Variants in ANKHD1 observed in about 807,000 individuals in gnomAD.
ANKHD1 encodes ankyrin repeat and KH domain-containing protein 1.
Under a neutral mutation model 230.5 loss-of-function variants are expected in ANKHD1, and 31 were observed. That is an observed-to-expected ratio of 0.13 (90% confidence interval 0.10 to 0.18). The LOEUF (loss-of-function observed/expected upper bound fraction) is 0.18. Among genes scored for constraint, ANKHD1 ranks in the 10% least tolerant of loss-of-function variants. The pLI is 1.00. For missense variants in ANKHD1, 2,256 were observed against 3,071.3 expected (o/e 0.73, Z 6.27); for synonymous variants, 1,074 against 1,117.6 (o/e 0.96, Z 0.78).
intron 1 of ANKHD1, among the ~76,000 whole-genome samples, chr5:140,412,115 C>T (rs1465033272): frequency 6.6e-6 from 1 of 152,142 alleles, no homozygotes; most frequent in Non-Finnish European, 1.5e-5. Context: ...CAGCTCACTG[C>T]AACCTCCGCC....
At chr5:140,494,165 A>G (rs1751929053) in intron 14 of ANKHD1, among the ~76,000 whole-genome samples, 1 of 152,200 alleles carries the variant, frequency 6.6e-6, no homozygotes, top group Admixed American at 6.5e-5. Flanking sequence ...GGATTTGTAC[A>G]TTGCTATTTG....
At chr5:140,496,191 T>C (rs1373115115) in intron 14 of ANKHD1, among the ~76,000 whole-genome samples, 1 of 152,158 alleles carries the variant, frequency 6.6e-6, no homozygotes, top group African/African-American at 2.4e-5. Flanking sequence ...CAGCAGAATT[T>C]TGAGATTCTT....
chr5:140,511,117 C>G (rs1020547716), intron 22 of ANKHD1, among the ~76,000 whole-genome samples: 1 of 152,254 alleles, frequency 6.6e-6, no homozygotes, highest in South Asian at 2.1e-4. Flanking sequence ...AGCCATGCCT[C>G]TCATATATAT....
At chr5:140,467,642 A>G (rs1046546215) in intron 10 of ANKHD1, among the ~76,000 whole-genome samples, 1 of 152,214 alleles carries the variant, frequency 6.6e-6, no homozygotes, top group Non-Finnish European at 1.5e-5. Flanking sequence ...GGGAAAGTAT[A>G]ATAACTTTTA....
intron 1 of ANKHD1, among the ~76,000 whole-genome samples, chr5:140,421,403 C>T (rs559861645): frequency 6.8e-4 from 102 of 149,260 alleles, no homozygotes; most frequent in Middle Eastern, 3.5e-3. Flanking sequence ...TGGGTTCAAG[C>T]GATTATCCTG....
At chr5:140,521,694 T>G (rs1456499319) in intron 24 of ANKHD1, among the ~76,000 whole-genome samples, 4 of 151,788 alleles carry the variant, frequency 2.6e-5, no homozygotes, top group Admixed American at 6.6e-5. Context: ...GTTACATAAT[T>G]CACAGTTGGG....
intron 9 of ANKHD1, among the ~76,000 whole-genome samples, chr5:140,461,422 G>A (rs1450544697): frequency 6.6e-6 from 1 of 151,846 alleles, no homozygotes; most frequent in Non-Finnish European, 1.5e-5. Flanking sequence ...CAGTTTTAAG[G>A]GTAATTTATT....
intron 10 of ANKHD1, 151 bp downstream of exon 10, chr5:140,464,927 T>A (rs1326511420): frequency 4.3e-6 from 3 of 696,816 alleles, no homozygotes; most frequent in African/African-American, 3.6e-5. Flanking sequence ...TTGTATGTAT[T>A]AAATGTATTT....
chr5:140,457,929 T>G (rs560880933), intron 7 of ANKHD1, among the ~76,000 whole-genome samples: 1 of 152,278 alleles, frequency 6.6e-6, no homozygotes, highest in South Asian at 2.1e-4. Flanking sequence ...TAGGTAGAAT[T>G]GATACCCACC....
chr5:140,470,475 A>G (rs1011717629), intron 10 of ANKHD1, among the ~76,000 whole-genome samples: 8 of 151,238 alleles, frequency 5.3e-5, no homozygotes, highest in African/African-American at 1.7e-4. Context: ...TACCATTCAT[A>G]TGTATGGTCT....
In ANKHD1 at chr5:140,462,979, G is replaced by A. The variant is rs529111746; in HGVS notation, c.1673-1688G>A. On this transcript the variant is annotated intron_variant, in intron 9 of 33. Transcript: ENST00000360839. ...TCTTGCCTCAGCCTTCCAAGTAGCTGGGACTACAGGCATACACCACTATGC... is the reference window on the plus strand; with the variant it reads ...TCTTGCCTCAGCCTTCCAAGTAGCTAGGACTACAGGCATACACCACTATGC... Among the ~76,000 whole-genome samples the A allele has an allele frequency of 2.0e-5, 3 of 151,974 alleles. No individual in the cohort carries two copies. The South Asian group carries it at 6.2e-4, about 32-fold the overall frequency.
intron 2 of ANKHD1, among the ~76,000 whole-genome samples, chr5:140,436,923 G>A (rs1773492017): frequency 1.3e-5 from 2 of 152,074 alleles, no homozygotes; most frequent in Non-Finnish European, 2.9e-5. Flanking sequence ...TGTTTAACTT[G>A]ATTTTAAATA....
chr5:140,491,156 ATATATT>A (rs1400586066), intron 14 of ANKHD1, among the ~76,000 whole-genome samples: 4 of 94,956 alleles, frequency 4.2e-5, no homozygotes, highest in Non-Finnish European at 6.1e-5. Context: ...ATATATATAT[ATATATT>A]TTTTTTTTTT....
At position 140,529,220 on chromosome 5, in the gene ANKHD1, A is replaced by G. The variant is rs756980117; in HGVS notation, c.6274A>G (p.Met2092Val). The G allele has an allele frequency of 1.1e-4, 173 of 1,614,086 alleles. No individual in the cohort carries two copies. The highest frequency in any genetic ancestry group is 1.4e-4 in the Non-Finnish European group (170 of 1,180,060). Residue 2092 changes from methionine to valine, a missense_variant, in exon 29 of 34, where the codon ATG (methionine) becomes GTG (valine). Around this residue, in one of 13 missense-constraint regions of ANKHD1, gnomAD observed 778 missense variants for 966.5 expected, o/e 0.80. Transcript: ENST00000360839. ...QPSSVSDLSP[M>V]SMPFASNSEP... The stretch of plus-strand genomic sequence containing the variant: ...ATCCAGTGTGTCTGATTTAAGTCCT[A>G]TGTCAATGCCTTTTGCATCTAACTC...
intron 1 of ANKHD1, among the ~76,000 whole-genome samples, chr5:140,425,247 A>T (rs1339374451): frequency 1.3e-5 from 2 of 152,078 alleles, no homozygotes; most frequent in African/African-American, 4.8e-5. Flanking sequence ...AACCCAAGAT[A>T]TGATTTCTGT....
intron 1 of ANKHD1, among the ~76,000 whole-genome samples, chr5:140,408,845 A>C (rs1312708986): frequency 6.6e-6 from 1 of 152,098 alleles, no homozygotes; most frequent in Non-Finnish European, 1.5e-5. Flanking sequence ...CAGCCTCCCA[A>C]GTAGTCAGGA....
At chr5:140,476,114 G>C (rs957707966) in intron 10 of ANKHD1, among the ~76,000 whole-genome samples, 1 of 151,920 alleles carries the variant, frequency 6.6e-6, no homozygotes. Flanking sequence ...TATAGGGTAA[G>C]ACAGCATATT....
intron 1 of ANKHD1, among the ~76,000 whole-genome samples, chr5:140,427,494 G>A (rs1472513436): frequency 6.0e-4 from 81 of 134,420 alleles, no homozygotes; most frequent in Non-Finnish European, 6.7e-4. Flanking sequence ...CAGTAGGGGC[G>A]GCCGGGCAGA....
chr5:140,409,030 C>T (rs924284398), intron 1 of ANKHD1, among the ~76,000 whole-genome samples: 1 of 152,118 alleles, frequency 6.6e-6, no homozygotes, highest in African/African-American at 2.4e-5. Context: ...CAGTAGAACC[C>T]GATTATGATA....
Sources: allele counts gnomAD v4.1 joint callset (sites outside exome capture counted in the v4.1 genomes callset), GRCh38; gene constraint gnomAD v4.1.1; regional missense constraint gnomAD v4.1.1; transcripts MANE v1.5; gene names NCBI Gene and HGNC (gene_info 2026-07-23, HGNC 2026-07-21).